Variants in ITGA9 observed in about 807,000 individuals in gnomAD.
The protein encoded by ITGA9 is integrin alpha-9.
ITGA9 carries 56 observed loss-of-function variants against 127.8 expected under a neutral mutation model. The ratio of observed to expected loss-of-function variants is 0.44; its 90% CI spans 0.35 to 0.55. ITGA9 has a LOEUF of 0.55. ITGA9 is among the 20% of genes least tolerant of loss of function. The probability of loss-of-function intolerance (pLI) is 0.00; values close to 1 mark genes in which losing one functional copy is unlikely to be tolerated. For missense variants in ITGA9, 1,196 were observed against 1,347.1 expected (o/e 0.89, Z 1.76); for synonymous variants, 508 against 514.5 (o/e 0.99, Z 0.17).
At chr3:37,606,816 T>C (rs1699973097) in intron 15 of ITGA9, among the ~76,000 whole-genome samples, 1 of 152,050 alleles carries the variant, frequency 6.6e-6, no homozygotes, top group African/African-American at 2.4e-5. Context: ...CAGCTGTGAC[T>C]GTGGAGAACA....
At chr3:37,632,488 AG>A (rs1195527812) in intron 16 of ITGA9, among the ~76,000 whole-genome samples, 4 of 152,240 alleles carry the variant, frequency 2.6e-5, no homozygotes, top group Non-Finnish European at 5.9e-5. Flanking sequence ...TAAGAATACT[AG>A]AAAGTAAGAA....
intron 16 of ITGA9, among the ~76,000 whole-genome samples, chr3:37,636,071 G>C (rs560541643): frequency 2.7e-4 from 41 of 152,050 alleles, no homozygotes; most frequent in African/African-American, 9.9e-4. Context: ...TTGCTATTGT[G>C]AATAGTGCTG....
Position 37,481,386 on chromosome 3 carries a change from CTT to C in ITGA9, c.421-97_421-96del. 3 of 1,522,912 alleles carry C rather than the reference CTT, an allele frequency of 2.0e-6. No individual in the cohort carries two copies. In the South Asian group the frequency reaches 3.4e-5, roughly 17 times the overall value. The allele number at this position is 1,522,912 out of a possible 1,614,324, so 94.3% of individuals were successfully genotyped here. ...GGCTTTCTGGTCCCTCTGCTCCTCT[CTT>C]CTCCCACAGAAAGAAACATCTGGCA... On this transcript the variant is annotated intron_variant, in intron 3 of 27. Coordinates refer to ENST00000264741, the MANE Select transcript of ITGA9 (RefSeq NM_002207.3).
At chr3:37,476,773 G>A (rs1698499399) in intron 3 of ITGA9, among the ~76,000 whole-genome samples, 1 of 152,160 alleles carries the variant, frequency 6.6e-6, no homozygotes. Flanking sequence ...CTTATATTGT[G>A]TGTATAATTT....
intron 17 of ITGA9, among the ~76,000 whole-genome samples, chr3:37,658,167 T>C (rs1700496486): frequency 6.6e-6 from 1 of 152,232 alleles, no homozygotes; most frequent in Non-Finnish European, 1.5e-5. Context: ...TATATTCTGC[T>C]GATTTGGGGT....
intron 15 of ITGA9, among the ~76,000 whole-genome samples, chr3:37,570,428 G>C (rs1227082472): frequency 2.6e-5 from 4 of 152,206 alleles, no homozygotes; most frequent in African/African-American, 9.7e-5. Flanking sequence ...CAACTGATAG[G>C]CTTGGTATTG....
In ITGA9 at chr3:37,635,561, TTTTTATTTTATTTTA is replaced by T. The variant is rs149340883; in HGVS notation, c.1839+6245_1839+6259del. Among the ~76,000 whole-genome samples the T allele has an allele frequency of 3.3e-3, 500 of 149,370 alleles. 8 individuals carry two copies. The highest frequency in any genetic ancestry group is 1.6e-3 in the East Asian group (8 of 5,050). The stretch of plus-strand genomic sequence containing the variant: ...GGGATTTTGTGAGAAATGAAAATTG[TTTTTATTTTATTTTA>T]TTTTATTTTATTTTATTTTTTTCCT... On this transcript the variant is annotated intron_variant, in intron 16 of 27. Coordinates refer to ENST00000264741, the MANE Select transcript of ITGA9 (RefSeq NM_002207.3).
chr3:37,466,439 G>C (rs968079852), intron 1 of ITGA9, among the ~76,000 whole-genome samples: 1 of 122,846 alleles, frequency 8.1e-6, no homozygotes, highest in Non-Finnish European at 1.6e-5. Flanking sequence ...AGCGGAGATC[G>C]CCGCACTGCA....
At chr3:37,656,810 T>C (rs2125649185) in intron 17 of ITGA9, among the ~76,000 whole-genome samples, 1 of 150,928 alleles carries the variant, frequency 6.6e-6, no homozygotes, top group Non-Finnish European at 1.5e-5. Flanking sequence ...CCATTCAGTA[T>C]GATATTGGCT....
chr3:37,628,423 A>G (rs1480889540), intron 15 of ITGA9, among the ~76,000 whole-genome samples: 1 of 152,160 alleles, frequency 6.6e-6, no homozygotes, highest in Non-Finnish European at 1.5e-5. Context: ...AACAGATGTG[A>G]CTGAAAATCT....
At chr3:37,516,178 T>C (rs1698982164) in intron 9 of ITGA9, among the ~76,000 whole-genome samples, 1 of 152,182 alleles carries the variant, frequency 6.6e-6, no homozygotes, top group African/African-American at 2.4e-5. Flanking sequence ...CTGGGCATGA[T>C]GCACCCACAC....
chr3:37,488,607 A>G (rs112199844), intron 4 of ITGA9, among the ~76,000 whole-genome samples: 16,938 of 151,928 alleles, frequency 0.11, 1,080 homozygotes, highest in Middle Eastern at 0.17. Flanking sequence ...GACCAGCCTG[A>G]CCAACATGGT....
chr3:37,742,612 C>T (rs1253214437), intron 21 of ITGA9, among the ~76,000 whole-genome samples: 1 of 152,136 alleles, frequency 6.6e-6, no homozygotes, highest in African/African-American at 2.4e-5. Flanking sequence ...AGGTGAGGAC[C>T]CACTGAACCC....
At chr3:37,508,939 C>G (rs1438472666) in intron 8 of ITGA9, among the ~76,000 whole-genome samples, 1 of 152,200 alleles carries the variant, frequency 6.6e-6, no homozygotes, top group Non-Finnish European at 1.5e-5. Context: ...CTCTCTGCCT[C>G]CATCCTTTCT....
chr3:37,787,567 G>A lies in ITGA9; in HGVS notation c.2889+2489G>A, dbSNP rs575651773. On this transcript the variant is annotated intron_variant, in intron 26 of 27. Transcript: ENST00000264741. ...CCTTCTCCCTCCTTTCCATGACTTT[G>A]CCTTTTCAGTCCATGAGCTACAATG... 2.0e-5 allele frequency among the ~76,000 whole-genome samples: 3 copies of A among 152,020 alleles called. 1 individual carries two copies. Among genetic ancestry groups the A allele is most frequent in the Admixed American group, 1.3e-4 (2 of 15,284 alleles).
At chr3:37,794,321 A>G (rs530131788) in intron 26 of ITGA9, among the ~76,000 whole-genome samples, 3 of 151,990 alleles carry the variant, frequency 2.0e-5, no homozygotes, top group South Asian at 2.1e-4. Context: ...TTGACCCCTT[A>G]CCCCTCTGGC....
chr3:37,621,557 A>G (rs1264327240), intron 15 of ITGA9, among the ~76,000 whole-genome samples: 2 of 152,060 alleles, frequency 1.3e-5, no homozygotes, highest in African/African-American at 2.4e-5. Context: ...CACAGTTAAC[A>G]CCCCAGCCCC....
At chr3:37,562,228 A>G (rs548980339) in intron 15 of ITGA9, among the ~76,000 whole-genome samples, 4 of 152,168 alleles carry the variant, frequency 2.6e-5, no homozygotes, top group Non-Finnish European at 4.4e-5. Flanking sequence ...AGGCTGAACC[A>G]GAGTCTACCT....
At chr3:37,508,648 G>T in intron 8 of ITGA9, 21 bp downstream of exon 8, 1 of 1,598,142 alleles carries the variant, frequency 6.3e-7, no homozygotes, top group Non-Finnish European at 8.6e-7. Context: ...TGGTATAAGT[G>T]ACTATTTTTT....
Sources: allele counts gnomAD v4.1 joint callset (sites outside exome capture counted in the v4.1 genomes callset), GRCh38; gene constraint gnomAD v4.1.1; transcripts MANE v1.5; gene names NCBI Gene and HGNC (gene_info 2026-07-23, HGNC 2026-07-21).